Variants in AADAC observed in about 807,000 individuals in gnomAD.
The protein encoded by AADAC is arylacetamide deacetylase (esterase).
In AADAC, 17 loss-of-function variants were observed where a neutral mutation model predicts 22.7. The observed-to-expected ratio is 0.75, with a 90% CI of 0.51 to 1.12. The LOEUF (loss-of-function observed/expected upper bound fraction) is 1.12. AADAC is among the 50% of genes most tolerant of loss of function. The pLI, the probability that AADAC is intolerant of heterozygous loss-of-function variation, is 0.00. For synonymous variants in AADAC, 167 were observed against 176.3 expected, an observed-to-expected ratio of 0.95 and a Z score of 0.42; for missense variants, 465 against 473.9, an observed-to-expected ratio of 0.98 and a Z score of 0.17.
At chr3:151,818,401 A>G (rs1716093006) in intron 2 of AADAC, among the ~76,000 whole-genome samples, 2 of 152,084 alleles carry the variant, frequency 1.3e-5, no homozygotes, top group Admixed American at 1.3e-4. Flanking sequence ...AAAACCTTAG[A>G]CAAATTAAAT....
rs749944689 is a variant in AADAC at position 151,824,619 on chromosome 3, CAAAA to C, written c.432-43_432-40del. On this transcript the variant is annotated intron_variant, in intron 3 of 4. Coordinates refer to ENST00000232892, the MANE Select transcript of AADAC (RefSeq NM_001086.3). The stretch of plus-strand genomic sequence containing the variant: ...CACCAATAATATATTACAGTCTAAT[CAAAA>C]CAAACAAAAAAATGTGTAAACTATG... 4 of 1,055,904 alleles carry C rather than the reference CAAAA, an allele frequency of 3.8e-6. No homozygotes were observed. In the South Asian group the frequency reaches 8.7e-5, roughly 23 times the overall value. The allele number at this position is 1,055,904 out of a possible 1,614,324, so 65.4% of individuals were successfully genotyped here.
chr3:151,822,338 A>T (rs558309990), intron 3 of AADAC, among the ~76,000 whole-genome samples: 86 of 152,116 alleles, frequency 5.7e-4, no homozygotes, highest in African/African-American at 2.0e-3. Flanking sequence ...ACATGCCCAT[A>T]TAAAAACTTG....
At chr3:151,815,974 T>A (rs1715973338) in intron 1 of AADAC, among the ~76,000 whole-genome samples, 14 of 152,056 alleles carry the variant, frequency 9.2e-5, no homozygotes, top group Admixed American at 9.2e-4. Flanking sequence ...CTGGTAAATA[T>A]CATTTACTAG....
intron 4 of AADAC, among the ~76,000 whole-genome samples, chr3:151,825,684 T>C (rs779356215): frequency 2.6e-5 from 4 of 151,918 alleles, no homozygotes; most frequent in Non-Finnish European, 4.4e-5. Context: ...CATTTAATAA[T>C]GGCAATATAA....
In AADAC at chr3:151,817,711, TGTTCTGGCAAA is replaced by T; in HGVS notation, c.361+127_361+137del. 4.7e-6 allele frequency: 4 copies of T among 844,818 alleles called. No homozygotes were observed. In the South Asian group the frequency reaches 7.0e-5, roughly 15 times the overall value. The allele number at this position is 844,818 out of a possible 1,614,324, so 52.3% of individuals were successfully genotyped here. On this transcript the variant is annotated intron_variant, in intron 2 of 4. Coordinates refer to ENST00000232892, the MANE Select transcript of AADAC (RefSeq NM_001086.3). ...CTGCCTCTTTTATCTTCTCGTGCTT[TGTTCTGGCAAA>T]GTTTTACTTTTCCCTGAAGCTTTAT...
intron 4 of AADAC, among the ~76,000 whole-genome samples, chr3:151,826,220 A>G (rs540587894): frequency 6.6e-6 from 1 of 152,130 alleles, no homozygotes; most frequent in South Asian, 2.1e-4. Flanking sequence ...GAAACTTCAC[A>G]GATAGATTTC....
Position 151,824,739 on chromosome 3 carries a change from A to G in AADAC, c.508A>G (p.Lys170Glu). ...VYNALRWFLR[K>E]KVLAKYGVNP... Reference sequence around the variant, plus strand: ...TAATGCCTTAAGGTGGTTCTTACGTAAAAAAGTTCTTGCAAAATATGGTGT... The same window carrying G: ...TAATGCCTTAAGGTGGTTCTTACGTGAAAAAGTTCTTGCAAAATATGGTGT... The change falls in exon 4 of 5, where the codon AAA becomes GAA. Residue 170 changes from lysine to glutamate, a missense_variant. Lys to Glu is a moderately conservative substitution (Grantham distance 56). Transcript: ENST00000232892. 10 of 1,608,972 alleles carry G rather than the reference A, an allele frequency of 6.2e-6. No homozygotes were observed. Among genetic ancestry groups the G allele is most frequent in the Non-Finnish European group, 8.5e-6 (10 of 1,177,326 alleles).
chr3:151,820,043 C>CCCA (rs530787004), intron 2 of AADAC, among the ~76,000 whole-genome samples: 97 of 152,070 alleles, frequency 6.4e-4, no homozygotes, highest in South Asian at 4.6e-3. Flanking sequence ...TCTTTGTATA[C>CCCA]CCATCATCTA....
chr3:151,818,574 C>T (rs1223552584), intron 2 of AADAC, among the ~76,000 whole-genome samples: 4 of 151,952 alleles, frequency 2.6e-5, no homozygotes, highest in African/African-American at 4.8e-5. Context: ...CAGAAATAGG[C>T]GGATTGGTTA....
At chr3:151,825,028 AT>A (rs1390863553) in intron 4 of AADAC, among the ~76,000 whole-genome samples, 194 bp downstream of exon 4, 2 of 151,592 alleles carry the variant, frequency 1.3e-5, no homozygotes, top group Non-Finnish European at 2.9e-5. Flanking sequence ...TCTGTCATAG[AT>A]TTTTTTTTCT....
At chr3:151,816,469 G>C (rs1560309335) in intron 1 of AADAC, among the ~76,000 whole-genome samples, 2 of 151,986 alleles carry the variant, frequency 1.3e-5, no homozygotes, top group Non-Finnish European at 2.9e-5. Flanking sequence ...TATTTACATT[G>C]TTTTGTAACC....
chr3:151,818,539 A>T (rs1461095268), intron 2 of AADAC, among the ~76,000 whole-genome samples: 6 of 152,044 alleles, frequency 3.9e-5, no homozygotes, highest in Admixed American at 1.3e-4. Flanking sequence ...AAGGAAAGTG[A>T]CATTCAGAAA....
Position 151,824,749 on chromosome 3 carries a change from T to C in AADAC, c.518T>C (p.Leu173Pro). ...ALRWFLRKKV[L>P]AKYGVNPERI... ...AGGTGGTTCTTACGTAAAAAAGTTC[T>C]TGCAAAATATGGTGTGAACCCTGAG... Residue 173 changes from leucine to proline, a missense_variant, in exon 4 of 5, where the codon CTT becomes CCT. Physicochemically the swap from Leu to Pro is moderately conservative, Grantham distance 98. Coordinates refer to ENST00000232892, the MANE Select transcript of AADAC (RefSeq NM_001086.3). 6.2e-7 allele frequency: 1 copy of C among 1,609,072 alleles called. No individual in the cohort carries two copies. The highest frequency in any genetic ancestry group is 1.7e-5 in the Admixed American group (1 of 59,128).
In AADAC at chr3:151,814,313, T is replaced by C; in HGVS notation, c.138+13T>C. On this transcript the variant is annotated intron_variant, in intron 1 of 4. Transcript: ENST00000232892. ...TATACAAAATTTGGTAAGTTTGGAA[T>C]TTTATGAATTCAGATGTGCATACAC... 1 of 1,607,960 alleles carries C rather than the reference T, an allele frequency of 6.2e-7. No homozygotes were observed. Among genetic ancestry groups the C allele is most frequent in the Middle Eastern group, 1.7e-4 (1 of 6,002 alleles).
At chr3:151,815,805 CTTTT>C (rs1715960177) in intron 1 of AADAC, among the ~76,000 whole-genome samples, 1 of 151,800 alleles carries the variant, frequency 6.6e-6, no homozygotes. Context: ...TGTTTGCTTG[CTTTT>C]TTGTGATCGT....
In AADAC at chr3:151,819,325, A is replaced by G. The variant is rs1028216483; in HGVS notation, c.362-1058A>G. ...AATAGAAGTCCTGCATCGTGTAGAG[A>G]TGTCAAGTAAGTAGGATGGAAGTAT... On this transcript the variant is annotated intron_variant, in intron 2 of 4. Transcript: ENST00000232892. Among the ~76,000 whole-genome samples the G allele has an allele frequency of 1.1e-4, 16 of 151,964 alleles. 1 individual carries two copies. The highest frequency in any genetic ancestry group is 1.9e-4 in the Non-Finnish European group (13 of 67,948).
intron 1 of AADAC, among the ~76,000 whole-genome samples, chr3:151,814,816 G>A (rs555394780): frequency 5.0e-4 from 76 of 152,168 alleles, no homozygotes; most frequent in Admixed American, 4.9e-3. Flanking sequence ...ACAAATGAGA[G>A]GGGGAGGGAG....
intron 4 of AADAC, among the ~76,000 whole-genome samples, 193 bp downstream of exon 4, chr3:151,825,027 G>T (rs1406834374): frequency 6.6e-6 from 1 of 151,820 alleles, no homozygotes; most frequent in African/African-American, 2.4e-5. Context: ...TTCTGTCATA[G>T]ATTTTTTTTT....
At chr3:151,822,612 CT>C (rs1036746009) in intron 3 of AADAC, among the ~76,000 whole-genome samples, 3 of 151,842 alleles carry the variant, frequency 2.0e-5, no homozygotes, top group African/African-American at 7.3e-5. Flanking sequence ...AAATATTATG[CT>C]AGATGAAACA....
Sources: allele counts gnomAD v4.1 joint callset (sites outside exome capture counted in the v4.1 genomes callset), GRCh38; gene constraint gnomAD v4.1.1; transcripts MANE v1.5; gene names NCBI Gene and HGNC (gene_info 2026-07-23, HGNC 2026-07-21).